The following LMNB1 variants were observed in gnomAD, a reference collection of about 807,000 sequenced individuals.
LMNB1 encodes the protein lamin B1.
In LMNB1, 23 loss-of-function variants were observed where a neutral mutation model predicts 67.1. The observed-to-expected ratio is 0.34, with a 90% confidence interval of 0.25 to 0.49. LMNB1 has a LOEUF of 0.49. LMNB1 is among the 20% of genes least tolerant of loss of function. LMNB1 has a pLI of 0.99. For synonymous variants in LMNB1, 281 were observed against 282.9 expected (o/e 0.99, Z 0.07); for missense variants, 634 against 746.5 (o/e 0.85, Z 1.76).
intron 7 of LMNB1, 45 bp from the exon 8 acceptor site, chr5:126,822,736 C>G (rs1203330795): frequency 2.5e-6 from 3 of 1,176,910 alleles, no homozygotes; most frequent in Admixed American, 1.9e-5. Flanking sequence ...CCACAACTTT[C>G]TTTATCTTTG....
At chr5:126,832,874 T>C (rs1752168467) in intron 10 of LMNB1, 73 bp downstream of exon 10, 3 of 1,029,498 alleles carry the variant, frequency 2.9e-6, no homozygotes, top group Admixed American at 2.7e-5. Context: ...AAGAGTGTGG[T>C]TGGGTTTTTC....
At chr5:126,797,517 A>C (rs779399301) in intron 1 of LMNB1, among the ~76,000 whole-genome samples, 1 of 152,200 alleles carries the variant, frequency 6.6e-6, no homozygotes, top group Non-Finnish European at 1.5e-5. Flanking sequence ...ATTCCTATCT[A>C]AATTGCTCTG....
At chr5:126,792,203 C>G (rs1373903755) in intron 1 of LMNB1, among the ~76,000 whole-genome samples, 1 of 147,084 alleles carries the variant, frequency 6.8e-6, no homozygotes, top group Non-Finnish European at 1.5e-5. Context: ...AGTACAGCGG[C>G]ATGATCCCAG....
intron 9 of LMNB1, among the ~76,000 whole-genome samples, chr5:126,830,809 ACT>A (rs1198691330): frequency 1.3e-5 from 2 of 152,134 alleles, no homozygotes; most frequent in Non-Finnish European, 2.9e-5. Flanking sequence ...AAAGCTGGGT[ACT>A]CTCAAAGTTT....
At chr5:126,816,416 C>G (rs1462476165) in intron 5 of LMNB1, among the ~76,000 whole-genome samples, 1 of 152,080 alleles carries the variant, frequency 6.6e-6, no homozygotes. Flanking sequence ...TTTTAAATAA[C>G]CTTGTTATTT....
chr5:126,795,949 T>TTTTTTTTTTA (rs1751079121), intron 1 of LMNB1, among the ~76,000 whole-genome samples: 2 of 145,206 alleles, frequency 1.4e-5, no homozygotes, highest in East Asian at 2.0e-4. Context: ...TTTTTTTTTT[T>TTTTTTTTTTA]GAGACGGAGT....
At chr5:126,826,665 A>G (rs1225146624) in intron 9 of LMNB1, among the ~76,000 whole-genome samples, 1 of 152,152 alleles carries the variant, frequency 6.6e-6, no homozygotes, top group Non-Finnish European at 1.5e-5. Context: ...TGCCACATAA[A>G]GACACTGCAT....
chr5:126,809,332 A>C (rs1217055402), intron 3 of LMNB1, among the ~76,000 whole-genome samples: 1 of 152,214 alleles, frequency 6.6e-6, no homozygotes. Context: ...ATGATAGCTT[A>C]ATACCGGCTT....
At chr5:126,803,920 C>T (rs779373184) in intron 1 of LMNB1, among the ~76,000 whole-genome samples, 10 of 152,084 alleles carry the variant, frequency 6.6e-5, no homozygotes, top group Non-Finnish European at 1.3e-4. Flanking sequence ...TTAGGGAGGC[C>T]GTTATTTATT....
At chr5:126,826,966 T>C (rs1026064553) in intron 9 of LMNB1, among the ~76,000 whole-genome samples, 1 of 152,230 alleles carries the variant, frequency 6.6e-6, no homozygotes, top group Non-Finnish European at 1.5e-5. Context: ...CCAGGAGAGC[T>C]GTAAGTTGGC....
At chr5:126,804,732 C>A (rs994419086) in intron 1 of LMNB1, 44 bp from the exon 2 acceptor site, 3 of 1,573,244 alleles carry the variant, frequency 1.9e-6, no homozygotes, top group South Asian at 1.2e-5. Flanking sequence ...GACCTCAAGT[C>A]ATCAGTATGG....
chr5:126,820,968 C>A lies in LMNB1; in HGVS notation c.1219C>A (p.Arg407Ser). 1.2e-6 allele frequency: 2 copies of A among 1,613,954 alleles called. No individual in the cohort carries two copies. Among genetic ancestry groups the A allele is most frequent in the Non-Finnish European group, 1.7e-6 (2 of 1,179,952 alleles). Residue 407 changes from arginine to serine, a missense_variant, in exon 7 of 11, where the codon CGT (arginine) becomes AGT (serine). Transcript: ENST00000261366. The stretch of plus-strand genomic sequence containing the variant: ...GACAGTATCCCGAGCATCCTCAAGT[C>A]GTAGTGTACGTACAACTAGAGGAAA... ...RVTVSRASSSRSVRTTRGKRK... is the reference protein window; with the variant it reads ...RVTVSRASSSSSVRTTRGKRK...
intron 8 of LMNB1, among the ~76,000 whole-genome samples, chr5:126,824,540 G>A (rs1461254937): frequency 1.3e-5 from 2 of 152,106 alleles, no homozygotes; most frequent in Non-Finnish European, 2.9e-5. Flanking sequence ...TTAGTTTTAG[G>A]TTAAGTTAGC....
intron 5 of LMNB1, among the ~76,000 whole-genome samples, chr5:126,816,061 T>C (rs1165095494): frequency 6.6e-6 from 1 of 152,176 alleles, no homozygotes; most frequent in East Asian, 1.9e-4. Flanking sequence ...CTACCTCTGA[T>C]ATATGAAATA....
intron 8 of LMNB1, among the ~76,000 whole-genome samples, chr5:126,823,734 G>A (rs1278518921): frequency 6.6e-6 from 1 of 152,120 alleles, no homozygotes; most frequent in African/African-American, 2.4e-5. Context: ...CTTTAAAAAG[G>A]TGTATTCAGA....
At chr5:126,787,546 A>ATATATATATATATATATATAT in intron 1 of LMNB1, among the ~76,000 whole-genome samples, 9 of 65,574 alleles carry the variant, frequency 1.4e-4, no homozygotes, top group African/African-American at 5.2e-4. Flanking sequence ...ATATATATAT[A>ATATATATATATATATATATAT]TTTTTTTTTT....
At chr5:126,795,906 G>A (rs373830957) in intron 1 of LMNB1, among the ~76,000 whole-genome samples, 60 of 145,584 alleles carry the variant, frequency 4.1e-4, no homozygotes, top group East Asian at 1.6e-3. Flanking sequence ...GATTACAGGC[G>A]TGAGCCACTG....
rs960178798 is a variant in LMNB1, at chr5:126,777,531, C to A, written c.23C>A (p.Pro8Gln). The A allele has an allele frequency of 9.3e-6, 13 of 1,396,734 alleles. No individual in the cohort carries two copies. The highest frequency in any genetic ancestry group is 1.5e-5 in the African/African-American group (1 of 66,214). 86.5% of individuals were successfully genotyped at this position (1,396,734 alleles called of 1,614,324 possible). Residue 8 changes from proline (P) to glutamine (Q), a missense_variant, in exon 1 of 11, where the codon CCG becomes CAG. Pro to Gln is a moderately conservative substitution (Grantham distance 76). Coordinates refer to ENST00000261366, the MANE Select transcript of LMNB1 (RefSeq NM_005573.4). The part of the protein sequence containing the change: MATATPV[P>Q]PRMGSRAGGP... ...GCCATGGCGACTGCGACCCCCGTGC[C>A]GCCGCGGATGGGCAGCCGCGCTGGC... is the stretch of plus-strand genomic sequence containing the variant.
chr5:126,825,866 C>T, intron 8 of LMNB1, 122 bp from the exon 9 acceptor site: 1 of 1,353,554 alleles, frequency 7.4e-7, no homozygotes, highest in Admixed American at 2.0e-5. Flanking sequence ...GTATAGCACT[C>T]TGTAGCTGGG....
Sources: gnomAD v4.1 joint callset for allele counts (sites outside exome capture counted in the v4.1 genomes callset) on GRCh38, gnomAD v4.1.1 for gene constraint, MANE v1.5 for transcripts, NCBI Gene and HGNC (gene_info 2026-07-23, HGNC 2026-07-21) for gene names.